Variants in CMTM8 observed in about 807,000 individuals in gnomAD.
The protein encoded by CMTM8 is CKLF like MARVEL transmembrane domain containing 8.
In CMTM8, 12 loss-of-function variants were observed where a neutral mutation model predicts 18.6. The observed-to-expected ratio is 0.65, with a 90% CI of 0.41 to 1.05. The LOEUF (loss-of-function observed/expected upper bound fraction) is 1.05, where lower values mean the gene tolerates loss of function less well. Ranked by LOEUF, CMTM8 falls within the 50% of genes least tolerant of loss-of-function variation. The pLI is 0.00. For missense variants in CMTM8, 217 were observed against 227.2 expected (o/e 0.95, Z 0.29); for synonymous variants, 87 against 90.6 (o/e 0.96, Z 0.23).
intron 1 of CMTM8, among the ~76,000 whole-genome samples, chr3:32,320,443 T>C (rs548101838): frequency 1.3e-5 from 2 of 152,004 alleles, no homozygotes; most frequent in Non-Finnish European, 2.9e-5. Context: ...ATAGAGACCA[T>C]AGATGAGTGG....
intron 1 of CMTM8, among the ~76,000 whole-genome samples, chr3:32,297,210 C>T (rs1442071399): frequency 6.6e-6 from 1 of 152,150 alleles, no homozygotes; most frequent in Non-Finnish European, 1.5e-5. Context: ...TGGAGTTTCA[C>T]TCTTGTTGCC....
At chr3:32,266,786 CA>C (rs1198742758) in intron 1 of CMTM8, among the ~76,000 whole-genome samples, 1 of 152,172 alleles carries the variant, frequency 6.6e-6, no homozygotes, top group Non-Finnish European at 1.5e-5. Context: ...GTGCAAAAAT[CA>C]CAGGCATTCT....
intron 1 of CMTM8, among the ~76,000 whole-genome samples, chr3:32,356,688 G>A (rs1379453806): frequency 1.3e-5 from 2 of 152,180 alleles, no homozygotes; most frequent in African/African-American, 2.4e-5. Context: ...CCAGAGGTTC[G>A]TCCCTTGAAA....
intron 1 of CMTM8, among the ~76,000 whole-genome samples, chr3:32,286,168 C>T (rs866092689): frequency 9.8e-5 from 15 of 152,292 alleles, no homozygotes; most frequent in African/African-American, 3.6e-4. Context: ...CCCACCTCTG[C>T]CACTGTAGCA....
chr3:32,267,835 A>T (rs923453795), intron 1 of CMTM8, among the ~76,000 whole-genome samples: 11 of 152,262 alleles, frequency 7.2e-5, no homozygotes, highest in Non-Finnish European at 1.2e-4. Flanking sequence ...CAGTCAAAAG[A>T]CATGAAAAAA....
At chr3:32,351,975 G>C (rs1470115211) in intron 1 of CMTM8, among the ~76,000 whole-genome samples, 2 of 151,952 alleles carry the variant, frequency 1.3e-5, no homozygotes, top group Admixed American at 1.3e-4. Context: ...TCAGGAATTC[G>C]AGACCAGCCC....
chr3:32,279,285 G>C (rs2125548625), intron 1 of CMTM8, among the ~76,000 whole-genome samples: 1 of 144,234 alleles, frequency 6.9e-6, no homozygotes, highest in Admixed American at 6.9e-5. Context: ...CCACCAACGT[G>C]TCATCTATCA....
chr3:32,361,851 G>T (rs1334001368), intron 2 of CMTM8, among the ~76,000 whole-genome samples: 1 of 152,022 alleles, frequency 6.6e-6, no homozygotes, highest in African/African-American at 2.4e-5. Flanking sequence ...CAACAAATCT[G>T]ATTTAAGCTA....
chr3:32,370,012 A>C lies in CMTM8; in HGVS notation c.*45A>C. On this transcript the variant is annotated 3_prime_UTR_variant, in exon 4 of 4. Coordinates refer to ENST00000307526, the MANE Select transcript of CMTM8 (RefSeq NM_178868.5). ...AAAGGAAAAAAAAAGGAAGACTCTCACTGTAAAAACAGCTGTAGGTATAAT... is the reference window on the plus strand; with the variant it reads ...AAAGGAAAAAAAAAGGAAGACTCTCCCTGTAAAAACAGCTGTAGGTATAAT... 2 of 1,113,246 alleles carry C rather than the reference A, an allele frequency of 1.8e-6. No homozygotes were observed. Among genetic ancestry groups the C allele is most frequent in the Non-Finnish European group, 2.7e-6 (2 of 750,846 alleles). 69.0% of individuals were successfully genotyped at this position (1,113,246 alleles called of 1,614,324 possible).
chr3:32,306,152 G>A (rs1000407100), intron 1 of CMTM8, among the ~76,000 whole-genome samples: 3 of 152,148 alleles, frequency 2.0e-5, no homozygotes, highest in African/African-American at 7.2e-5. Context: ...GATCTCAGCT[G>A]GTGTCACTCA....
chr3:32,260,817 A>G (rs58544589), intron 1 of CMTM8, among the ~76,000 whole-genome samples: 11,045 of 152,206 alleles, frequency 0.073, 482 homozygotes, highest in African/African-American at 0.12. Flanking sequence ...ATTTTGGGAA[A>G]ATCATTTTAT....
At chr3:32,300,449 T>C (rs962523122) in intron 1 of CMTM8, among the ~76,000 whole-genome samples, 9 of 152,126 alleles carry the variant, frequency 5.9e-5, no homozygotes, top group Middle Eastern at 3.2e-3. Context: ...ATGATCTCCA[T>C]TGGGGAAGAG....
intron 2 of CMTM8, among the ~76,000 whole-genome samples, chr3:32,367,466 C>T (rs1351061859): frequency 6.6e-6 from 1 of 152,280 alleles, no homozygotes; most frequent in Non-Finnish European, 1.5e-5. Flanking sequence ...TGCGCCTCTA[C>T]GTCAGGGACA....
At chr3:32,329,502 G>A (rs932103824) in intron 1 of CMTM8, among the ~76,000 whole-genome samples, 1 of 152,122 alleles carries the variant, frequency 6.6e-6, no homozygotes, top group Non-Finnish European at 1.5e-5. Context: ...CCACATTAAT[G>A]GAACGAAAGA....
intron 1 of CMTM8, among the ~76,000 whole-genome samples, chr3:32,347,736 G>A (rs1243710600): frequency 6.6e-6 from 1 of 152,100 alleles, no homozygotes; most frequent in Admixed American, 6.6e-5. Context: ...CCTTTCTGTT[G>A]GGTTGAATTC....
intron 1 of CMTM8, among the ~76,000 whole-genome samples, chr3:32,290,586 C>T (rs1702763562): frequency 6.6e-6 from 1 of 152,232 alleles, no homozygotes; most frequent in Non-Finnish European, 1.5e-5. Flanking sequence ...CTGATCCAAC[C>T]TGCTGCTGTT....
At chr3:32,250,871 C>A (rs955466597) in intron 1 of CMTM8, among the ~76,000 whole-genome samples, 5 of 151,974 alleles carry the variant, frequency 3.3e-5, no homozygotes, top group African/African-American at 1.2e-4. Context: ...GGGATTACAG[C>A]CGTCAGCCAT....
chr3:32,293,720 C>G (rs1374174773), intron 1 of CMTM8, among the ~76,000 whole-genome samples: 1 of 152,120 alleles, frequency 6.6e-6, no homozygotes, highest in African/African-American at 2.4e-5. Flanking sequence ...GTGGCACACA[C>G]CTGTAGTCCC....
At chr3:32,353,951 A>C (rs1696762589) in intron 1 of CMTM8, among the ~76,000 whole-genome samples, 1 of 151,694 alleles carries the variant, frequency 6.6e-6, no homozygotes, top group Admixed American at 6.6e-5. Flanking sequence ...CGCCCAGCTA[A>C]TTTTTGTATT....
Sources: gnomAD v4.1 joint callset for allele counts (sites outside exome capture counted in the v4.1 genomes callset) on GRCh38, gnomAD v4.1.1 for gene constraint, MANE v1.5 for transcripts, NCBI Gene and HGNC (gene_info 2026-07-23, HGNC 2026-07-21) for gene names.